DLG2: variants seen among roughly 807,000 people sequenced by gnomAD.
The protein encoded by DLG2 is discs large MAGUK scaffold protein 2.
DLG2 carries 45 observed loss-of-function variants against 132.5 expected under a neutral mutation model. That is an observed-to-expected ratio of 0.34 (90% CI 0.27 to 0.44). The LOEUF (loss-of-function observed/expected upper bound fraction) is 0.44, where lower values mean the gene tolerates loss of function less well. Ranked by LOEUF, DLG2 falls within the 20% of genes least tolerant of loss-of-function variation. DLG2 has a pLI of 1.00. For missense variants in DLG2, 1,045 were observed against 1,196.9 expected (o/e 0.87, Z 1.87); for synonymous variants, 424 against 419.6 (o/e 1.01, Z -0.13).
chr11:84,736,955 G>T (rs1356039111), intron 6 of DLG2, among the ~76,000 whole-genome samples: 1 of 151,956 alleles, frequency 6.6e-6, no homozygotes, highest in Non-Finnish European at 1.5e-5. Context: ...AAAACATTCA[G>T]CCTTTCACTA....
intron 15 of DLG2, among the ~76,000 whole-genome samples, chr11:83,916,714 T>C (rs113506501): frequency 0.034 from 5,150 of 152,270 alleles, 178 homozygotes; most frequent in African/African-American, 0.086. Context: ...ATCCCAATCA[T>C]ACTTCCCTGA....
chr11:84,185,362 GCTCT>G (rs1296713327), intron 8 of DLG2, among the ~76,000 whole-genome samples: 2 of 151,972 alleles, frequency 1.3e-5, no homozygotes, highest in African/African-American at 4.8e-5. Flanking sequence ...TCATGATTTG[GCTCT>G]CTGTTTGTCT....
At chr11:85,622,400 C>G (rs1348300454) in intron 2 of DLG2, among the ~76,000 whole-genome samples, 1 of 151,816 alleles carries the variant, frequency 6.6e-6, no homozygotes, top group African/African-American at 2.4e-5. Flanking sequence ...CTGAGATATA[C>G]CTGTACATAT....
At chr11:84,033,029 T>A (rs2095750958) in intron 11 of DLG2, among the ~76,000 whole-genome samples, 1 of 152,220 alleles carries the variant, frequency 6.6e-6, no homozygotes, top group Admixed American at 6.5e-5. Flanking sequence ...TCGATGCACC[T>A]AGTCACCAAG....
At chr11:84,900,222 T>C (rs2090719615) in intron 6 of DLG2, among the ~76,000 whole-genome samples, 1 of 152,132 alleles carries the variant, frequency 6.6e-6, no homozygotes, top group Non-Finnish European at 1.5e-5. Context: ...TAAATTATTT[T>C]TCTTAAATCA....
chr11:84,075,568 T>G (rs2096819094), intron 10 of DLG2, among the ~76,000 whole-genome samples: 1 of 152,212 alleles, frequency 6.6e-6, no homozygotes, highest in Non-Finnish European at 1.5e-5. Context: ...CTTGAAGAAC[T>G]TCTTAAATTT....
intron 18 of DLG2, among the ~76,000 whole-genome samples, chr11:83,776,709 C>A (rs2094595685): frequency 6.6e-6 from 1 of 152,220 alleles, no homozygotes; most frequent in Non-Finnish European, 1.5e-5. Flanking sequence ...CCCTCCACTG[C>A]ACCATCCTCT....
At chr11:84,814,601 C>G (rs536674043) in intron 6 of DLG2, among the ~76,000 whole-genome samples, 1 of 152,192 alleles carries the variant, frequency 6.6e-6, no homozygotes, top group South Asian at 2.1e-4. Flanking sequence ...AAATTACGTG[C>G]AGTTCTCTCC....
intron 6 of DLG2, among the ~76,000 whole-genome samples, chr11:84,723,196 A>C (rs927494848): frequency 6.6e-6 from 1 of 152,120 alleles, no homozygotes; most frequent in Admixed American, 6.5e-5. Flanking sequence ...TGTATGCTCC[A>C]TATTGTGATG....
chr11:84,904,318 C>T (rs2091259072), intron 6 of DLG2, among the ~76,000 whole-genome samples: 1 of 152,136 alleles, frequency 6.6e-6, no homozygotes, highest in African/African-American at 2.4e-5. Context: ...ATTTTAATTG[C>T]AATTATATCC....
At chr11:84,397,961 G>T (rs1171517686) in intron 7 of DLG2, among the ~76,000 whole-genome samples, 1 of 152,114 alleles carries the variant, frequency 6.6e-6, no homozygotes, top group Admixed American at 6.5e-5. Context: ...AATTTGTTTT[G>T]ATGCAAAAAT....
intron 6 of DLG2, among the ~76,000 whole-genome samples, chr11:84,596,108 A>G (rs768633228): frequency 1.1e-4 from 17 of 152,180 alleles, no homozygotes; most frequent in Non-Finnish European, 2.5e-4. Context: ...GAAAACATTT[A>G]TTAGGCAACT....
intron 16 of DLG2, among the ~76,000 whole-genome samples, chr11:83,840,084 G>C (rs1258928407): frequency 2.0e-5 from 3 of 152,182 alleles, no homozygotes; most frequent in African/African-American, 7.2e-5. Flanking sequence ...TTGACATGTT[G>C]CTTCATACCT....
intron 6 of DLG2, among the ~76,000 whole-genome samples, chr11:85,101,728 C>T (rs999186152): frequency 6.6e-6 from 1 of 152,064 alleles, no homozygotes; most frequent in Non-Finnish European, 1.5e-5. Context: ...CTGTAGCACA[C>T]AGCTCTGTCA....
At chr11:83,578,964 A>G (rs2096925909) in intron 19 of DLG2, among the ~76,000 whole-genome samples, 1 of 152,234 alleles carries the variant, frequency 6.6e-6, no homozygotes, top group Non-Finnish European at 1.5e-5. Context: ...TGCCTAGTAT[A>G]GAATATTTGC....
At chr11:84,501,393 C>T (rs138579602) in intron 7 of DLG2, among the ~76,000 whole-genome samples, 26 of 152,058 alleles carry the variant, frequency 1.7e-4, no homozygotes, top group Non-Finnish European at 1.0e-4. Context: ...GGCGAAAACC[C>T]GTCTTGACTA....
intron 4 of DLG2, among the ~76,000 whole-genome samples, chr11:85,226,742 CAAT>C (rs1390004119): frequency 6.6e-6 from 1 of 152,072 alleles, no homozygotes; most frequent in Non-Finnish European, 1.5e-5. Context: ...CAGAAAAAGA[CAAT>C]GATGTTATTC....
At chr11:84,483,805 C>T (rs1311345625) in intron 7 of DLG2, among the ~76,000 whole-genome samples, 1 of 152,126 alleles carries the variant, frequency 6.6e-6, no homozygotes, top group Non-Finnish European at 1.5e-5. Context: ...CTGAATGCCG[C>T]CTAATTGAGT....
intron 3 of DLG2, among the ~76,000 whole-genome samples, chr11:85,362,850 G>A (rs1327989398): frequency 6.6e-6 from 1 of 152,058 alleles, no homozygotes; most frequent in Non-Finnish European, 1.5e-5. Context: ...CTTTGAGCAT[G>A]TCAAGGACAC....
Sources: allele counts gnomAD v4.1 joint callset (sites outside exome capture counted in the v4.1 genomes callset), GRCh38; gene constraint gnomAD v4.1.1; transcripts MANE v1.5; gene names NCBI Gene and HGNC (gene_info 2026-07-23, HGNC 2026-07-21).